The following HNRNPDL variants were observed in gnomAD, a reference collection of about 807,000 sequenced individuals.
HNRNPDL encodes the protein heterogeneous nuclear ribonucleoprotein D like.
In HNRNPDL, 18 loss-of-function variants were observed where a neutral mutation model predicts 48.0. The ratio of observed to expected loss-of-function variants is 0.38; its 90% CI spans 0.26 to 0.56. The LOEUF is 0.56. Ranked by LOEUF, HNRNPDL falls within the 20% of genes least tolerant of loss-of-function variation. The pLI, the probability that HNRNPDL is intolerant of heterozygous loss-of-function variation, is 0.77. For missense variants in HNRNPDL, 553 were observed against 540.7 expected, an observed-to-expected ratio of 1.02 and a Z score of -0.23; for synonymous variants, 306 against 207.3, an observed-to-expected ratio of 1.48 and a Z score of -4.09.
In HNRNPDL at chr4:82,427,111, T is replaced by C; in HGVS notation, c.1021+79A>G. On this transcript the variant is annotated intron_variant, in intron 5 of 7. Transcript: ENST00000295470. ...AATGGTTTTAAGTTTAAAGTTTTGC[T>C]TTGGTACAGGACTACTCATATTCAG... The C allele has an allele frequency of 5.3e-6, 5 of 948,434 alleles. No homozygotes were observed. In the Admixed American group the frequency reaches 5.8e-5, roughly 11 times the overall value. 58.8% of individuals were successfully genotyped at this position (948,434 alleles called of 1,614,324 possible).
Position 82,426,236 on chromosome 4 carries a change from T to C in HNRNPDL, c.1193-107A>G, listed in dbSNP as rs941048727. On this transcript the variant is annotated intron_variant, in intron 6 of 7. Transcript: ENST00000295470. Reference sequence around the variant, plus strand: ...TCTTTGCATGCTAAATAAAAAGTATTAAGATATTTTAGCACCCATTAGATG... The same window carrying C: ...TCTTTGCATGCTAAATAAAAAGTATCAAGATATTTTAGCACCCATTAGATG... 35 of 1,094,012 alleles carry C rather than the reference T, an allele frequency of 3.2e-5. No individual in the cohort carries two copies. The African/African-American group carries it at 5.0e-4, about 16-fold the overall frequency. 67.8% of individuals were successfully genotyped at this position (1,094,012 alleles called of 1,614,324 possible). A position where few individuals can be genotyped will look rare whatever the true frequency, so the allele number is the denominator to read the frequency against.
rs774213776 is a variant in HNRNPDL, at chr4:82,428,449, A to G, written c.444-3T>C. On this transcript the variant is annotated splice_region_variant and splice_polypyrimidine_tract_variant and intron_variant, in intron 1 of 7. Coordinates refer to ENST00000295470, the MANE Select transcript of HNRNPDL (RefSeq NM_031372.4). ...TCAAGCCTCCAATAAACATTTTACT[A>G]GAAATAAAAGTGTTTTTAAAAAAAA... The G allele has an allele frequency of 2.3e-5, 36 of 1,578,842 alleles. No homozygotes were observed. The East Asian group carries it at 8.1e-4, about 36-fold the overall frequency.
intron 7 of HNRNPDL, 146 bp downstream of exon 7, chr4:82,425,891 A>G (rs1055161970): frequency 1.7e-6 from 1 of 597,558 alleles, no homozygotes; most frequent in Non-Finnish European, 3.0e-6. Flanking sequence ...TAGACACTTT[A>G]GGCAAAACAG....
Position 82,429,665 on chromosome 4 carries a change from T to G in HNRNPDL, c.26A>C (p.His9Pro). The G allele has an allele frequency of 1.5e-6, 2 of 1,358,984 alleles. No individual in the cohort carries two copies. The highest frequency in any genetic ancestry group is 1.9e-6 in the Non-Finnish European group (2 of 1,056,722). 84.2% of individuals were successfully genotyped at this position (1,358,984 alleles called of 1,614,324 possible). A position where few individuals can be genotyped will look rare whatever the true frequency, so the allele number is the denominator to read the frequency against. MEVPPRLS[H>P]VPPPLFPSAP... ...GGAGGGGAACAATGGCGGCGGCACA[T>G]GGGAAAGCCTGGGCGGGACCTCCAT... The change falls in exon 1 of 8, where the codon CAT becomes CCT. Residue 9 changes from histidine (H) to proline (P), a missense_variant. His to Pro is a moderately conservative substitution (Grantham distance 77). Transcript: ENST00000295470.
chr4:82,423,730 A>T lies in HNRNPDL; in HGVS notation c.*1176T>A, dbSNP rs1721289767. On this transcript the variant is annotated 3_prime_UTR_variant, in exon 8 of 8. Coordinates refer to ENST00000295470, the MANE Select transcript of HNRNPDL (RefSeq NM_031372.4). Reference sequence around the variant, plus strand: ...TCCAGGTCCTCTGAAACCTGGATATAAAACGGATTCTTTTCAATGCACCCA... The same window carrying T: ...TCCAGGTCCTCTGAAACCTGGATATTAAACGGATTCTTTTCAATGCACCCA... 1 of 152,246 alleles carries T rather than the reference A, an allele frequency of 6.6e-6. No individual in the cohort carries two copies. The highest frequency in any genetic ancestry group is 2.4e-5 in the African/African-American group (1 of 41,456). 9.4% of individuals were successfully genotyped at this position (152,246 alleles called of 1,614,324 possible).
chr4:82,426,628 C>T lies in HNRNPDL; in HGVS notation c.1027G>A (p.Gly343Ser). The T allele has an allele frequency of 6.2e-7, 1 of 1,613,440 alleles. No individual in the cohort carries two copies. Among genetic ancestry groups the T allele is most frequent in the African/African-American group, 1.3e-5 (1 of 74,950 alleles). ...TTAAATCCTTGGTTCCAGTTTTGGC[C>T]CTGACCTGAAACAATGCACAATGAT... Reference protein sequence around the residue: ...GGTRGRGRGQGQNWNQGFNNY... With the variant: ...GGTRGRGRGQSQNWNQGFNNY... Residue 343 changes from glycine to serine, a missense_variant, in exon 6 of 8, where the codon GGC becomes AGC. Physicochemically the swap from Gly to Ser is moderately conservative, Grantham distance 56. This residue lies in a region of HNRNPDL where 174 missense variants were observed against 204.6 expected (regional missense o/e 0.85). Coordinates refer to ENST00000295470, the MANE Select transcript of HNRNPDL (RefSeq NM_031372.4).
intron 7 of HNRNPDL, chr4:82,425,242 A>G (rs933999073): frequency 6.6e-6 from 1 of 152,256 alleles, no homozygotes; most frequent in African/African-American, 2.4e-5. Flanking sequence ...ATCTGTGCAT[A>G]TGATCTTTAA....
chr4:82,429,193 A>G lies in HNRNPDL; in HGVS notation c.443+55T>C, dbSNP rs1032355477. ...GGCAGCGCGCGGCTCACGAGGAACG[A>G]AGGGCGCGTGCGGCGCGCTGGGGGA... is the stretch of plus-strand genomic sequence containing the variant. On this transcript the variant is annotated intron_variant, in intron 1 of 7. Transcript: ENST00000295470. 1.4e-5 allele frequency: 21 copies of G among 1,534,786 alleles called. No individual in the cohort carries two copies. In the South Asian group the frequency reaches 2.2e-4, roughly 16 times the overall value.
chr4:82,426,352 A>G, intron 6 of HNRNPDL, 111 bp downstream of exon 6: 1 of 1,017,100 alleles, frequency 9.8e-7, no homozygotes, highest in Non-Finnish European at 1.5e-6. Flanking sequence ...TCAAACACTT[A>G]ACTCCGAACA....
chr4:82,426,330 T>C (rs1721405660), intron 6 of HNRNPDL, 133 bp downstream of exon 6: 2 of 894,976 alleles, frequency 2.2e-6, no homozygotes, highest in Non-Finnish European at 1.7e-6. Context: ...CATCCTATGA[T>C]TGTAACATGC....
At chr4:82,428,809 G>T (rs1488853809) in intron 1 of HNRNPDL, among the ~76,000 whole-genome samples, 1 of 152,224 alleles carries the variant, frequency 6.6e-6, no homozygotes, top group East Asian at 1.9e-4. Context: ...TCCACCCAGA[G>T]AACTCATCAA....
rs774890636 is a variant in HNRNPDL at position 82,424,879 on chromosome 4, T to G, written c.*27A>C. ...CTGCAAGATGGGTTACTTTAACATC[T>G]CCTCCTAAAAACAAAAACAAAATAC... On this transcript the variant is annotated 3_prime_UTR_variant, in exon 8 of 8. Coordinates refer to ENST00000295470, the MANE Select transcript of HNRNPDL (RefSeq NM_031372.4). 4 of 152,180 alleles carry G rather than the reference T, an allele frequency of 2.6e-5. No individual in the cohort carries two copies. The highest frequency in any genetic ancestry group is 5.9e-5 in the Non-Finnish European group (4 of 68,026). 9.4% of individuals were successfully genotyped at this position (152,180 alleles called of 1,614,324 possible). A position where few individuals can be genotyped will look rare whatever the true frequency, so the allele number is the denominator to read the frequency against.
At chr4:82,425,890 T>A (rs1002685086) in intron 7 of HNRNPDL, 147 bp downstream of exon 7, 7 of 596,668 alleles carry the variant, frequency 1.2e-5, no homozygotes, top group Admixed American at 1.2e-4. Context: ...ATAGACACTT[T>A]AGGCAAAACA....
Position 82,427,438 on chromosome 4 carries a change from C to T in HNRNPDL, c.901G>A (p.Gly301Arg). The T allele has an allele frequency of 6.2e-7, 1 of 1,600,820 alleles. No homozygotes were observed. ...AAGTGCTTAAATGGCTTTACCTTCCCAGAACCAATTTGATGGTATCTGCTT... is the reference window on the plus strand; with the variant it reads ...AAGTGCTTAAATGGCTTTACCTTCCTAGAACCAATTTGATGGTATCTGCTT... ...LESRYHQIGS[G>R]KCEIKVAQPK... The change falls in exon 4 of 8, where the codon GGG (glycine) becomes AGG (arginine). Residue 301 changes from glycine to arginine, a missense_variant. Physicochemically the swap from Gly to Arg is moderately radical, Grantham distance 125. Transcript: ENST00000295470.
rs1721688055 is a variant in HNRNPDL, at chr4:82,430,410, GTCTGCGGAGGGCGCGCTCTCGCGCAC to G, written c.-746_-721del. ...CGGGCCTCTCCCGCTCGCTCAACCT[GTCTGCGGAGGGCGCGCTCTCGCGCAC>G]CCTGCTCCCGCGTTCGCTTCTTTGT... On this transcript the variant is annotated 5_prime_UTR_variant, in exon 1 of 8. Transcript: ENST00000295470. 1 of 186,394 alleles carries G rather than the reference GTCTGCGGAGGGCGCGCTCTCGCGCAC, an allele frequency of 5.4e-6. No homozygotes were observed. The highest frequency in any genetic ancestry group is 1.1e-5 in the Non-Finnish European group (1 of 89,568). The allele number at this position is 186,394 out of a possible 1,614,324, so 11.5% of individuals were successfully genotyped here.
At chr4:82,425,124 G>A (rs1269786638) in intron 7 of HNRNPDL, 2 of 152,050 alleles carry the variant, frequency 1.3e-5, no homozygotes, top group Non-Finnish European at 2.9e-5. Context: ...CATATTCAGA[G>A]GTTCAACTAT....
In HNRNPDL at chr4:82,429,401, C is replaced by G. The variant is rs770406082; in HGVS notation, c.290G>C (p.Arg97Pro). ...GGTCGCGGCAGCAGCGGCGGCGGAG[C>G]GTTGTATGGAGCTGGATTTAAAATG... ...RRHFKSSSIQ[R>P]SAAAAAATRT... The change falls in exon 1 of 8, where the codon CGC (arginine) becomes CCC (proline). Residue 97 changes from arginine to proline, a missense_variant. Physicochemically the swap from Arg to Pro is moderately radical, Grantham distance 103. Coordinates refer to ENST00000295470, the MANE Select transcript of HNRNPDL (RefSeq NM_031372.4). 2 of 1,613,308 alleles carry G rather than the reference C, an allele frequency of 1.2e-6. No individual in the cohort carries two copies. The highest frequency in any genetic ancestry group is 1.7e-6 in the Non-Finnish European group (2 of 1,179,796).
At chr4:82,429,132 A>G in intron 1 of HNRNPDL, 116 bp downstream of exon 1, 2 of 950,104 alleles carry the variant, frequency 2.1e-6, no homozygotes, top group South Asian at 1.4e-5. Flanking sequence ...TGGGGCCCAG[A>G]AGGCACGCGG....
In HNRNPDL at chr4:82,429,533, C is replaced by A. The variant is rs914053364; in HGVS notation, c.158G>T (p.Gly53Val). ...GACGTGGCGCTGGGCCCGGCGCGCC[C>A]CCTGCCGGGCGGAGCTGGGAGCGAG... is the stretch of plus-strand genomic sequence containing the variant. The part of the protein sequence containing the change: ...PSLAPSSARQ[G>V]ARRAQRHVTA... Residue 53 changes from glycine to valine, a missense_variant, in exon 1 of 8, where the codon GGG becomes GTG. Coordinates refer to ENST00000295470, the MANE Select transcript of HNRNPDL (RefSeq NM_031372.4). 4 of 1,481,172 alleles carry A rather than the reference C, an allele frequency of 2.7e-6. No individual in the cohort carries two copies. Among genetic ancestry groups the A allele is most frequent in the Admixed American group, 5.0e-5 (2 of 40,120 alleles). The allele number at this position is 1,481,172 out of a possible 1,614,324, so 91.8% of individuals were successfully genotyped here. A position where few individuals can be genotyped will look rare whatever the true frequency, so the allele number is the denominator to read the frequency against.
Sources: gnomAD v4.1 joint callset for allele counts (sites outside exome capture counted in the v4.1 genomes callset) on GRCh38, gnomAD v4.1.1 for gene constraint, gnomAD v4.1.1 regional missense constraint, MANE v1.5 for transcripts, NCBI Gene and HGNC (gene_info 2026-07-23, HGNC 2026-07-21) for gene names.